TSR1: variants seen among roughly 807,000 people sequenced by gnomAD.
TSR1 encodes the protein TSR1 ribosome maturation factor, also known as pre-rRNA-processing protein TSR1 homolog.
Under a neutral mutation model 90.9 loss-of-function variants are expected in TSR1, and 81 were observed. The observed-to-expected ratio is 0.89, with a 90% confidence interval of 0.74 to 1.07. TSR1 has a LOEUF of 1.07. Among genes scored for constraint, TSR1 ranks in the 50% least tolerant of loss-of-function variants. The probability of loss-of-function intolerance (pLI) is 0.00; values close to 1 mark genes in which losing one functional copy is unlikely to be tolerated. For missense variants in TSR1, 989 were observed against 987.3 expected, an observed-to-expected ratio of 1.00 and a Z score of -0.02; for synonymous variants, 362 against 348.8, an observed-to-expected ratio of 1.04 and a Z score of -0.42.
intron 11 of TSR1, among the ~76,000 whole-genome samples, chr17:2,328,537 C>T (rs1319624394): frequency 6.6e-6 from 1 of 151,122 alleles, no homozygotes; most frequent in African/African-American, 2.4e-5. Context: ...TGCAGTGAGC[C>T]GAGATCACGC....
chr17:2,335,261 A>G lies in TSR1; in HGVS notation c.555T>C (p.Tyr185=), dbSNP rs756506566. The change falls in exon 4 of 15, where the codon TAT becomes TAC. Residue 185 remains tyrosine, a splice_region_variant and synonymous_variant. Transcript: ENST00000301364. ...CACAATAAATGCTAACTCACTTACT[A>G]TAGGTCGGAAGGCCCTGAGCAAAGA... ...SCLFAQGLPT[Y]TLAVQGISGL... The G allele has an allele frequency of 5.6e-6, 9 of 1,613,482 alleles. No individual in the cohort carries two copies. The highest frequency in any genetic ancestry group is 7.6e-6 in the Non-Finnish European group (9 of 1,179,866).
chr17:2,323,494 C>G lies in TSR1; in HGVS notation c.*702G>C, dbSNP rs113656766. On this transcript the variant is annotated 3_prime_UTR_variant, in exon 15 of 15. Coordinates refer to ENST00000301364, the MANE Select transcript of TSR1 (RefSeq NM_018128.5). ...GTACCCTAGATGTATTAATGACAAC[C>G]CTCTTGACAGAAGCAGAGTCAGAAT... is the stretch of plus-strand genomic sequence containing the variant. 3.9e-4 allele frequency: 449 copies of G among 1,146,518 alleles called. 2 individuals carry two copies. In the African/African-American group the frequency reaches 5.7e-3, roughly 15 times the overall value. The allele number at this position is 1,146,518 out of a possible 1,614,324, so 71.0% of individuals were successfully genotyped here.
At chr17:2,332,438 A>AACTTTTTTTTTTTTTTTT in intron 7 of TSR1, 79 bp from the exon 8 acceptor site, 1 of 1,216,104 alleles carries the variant, frequency 8.2e-7, no homozygotes, top group Non-Finnish European at 1.1e-6. Context: ...TAAGAGTAAA[A>AACTTTTTTTTTTTTTTTT]TAATTGTACT....
chr17:2,334,767 G>T lies in TSR1; in HGVS notation c.686C>A (p.Ala229Glu). 2 of 1,614,202 alleles carry T rather than the reference G, an allele frequency of 1.2e-6. No individual in the cohort carries two copies. ...KLLLLDTQQE[A>E]GMLLRQLANQ... is the part of the protein sequence containing the mutation. ...AGCCAACTGCCTAAGCAGCATCCCT[G>T]CCTCCTGTTGAGTGTCTAACAAGAG... The change falls in exon 5 of 15, where the codon GCA becomes GAA. Residue 229 changes from alanine to glutamate, a missense_variant. Physicochemically the swap from Ala to Glu is moderately radical, Grantham distance 107. Transcript: ENST00000301364.
chr17:2,325,803 G>A (rs771055718), intron 11 of TSR1, among the ~76,000 whole-genome samples: 87 of 152,108 alleles, frequency 5.7e-4, no homozygotes, highest in Admixed American at 1.8e-3. Context: ...AGTAGAGACC[G>A]GGTTTCACCA....
At chr17:2,329,239 C>A in intron 11 of TSR1, 104 bp downstream of exon 11, 1 of 1,535,692 alleles carries the variant, frequency 6.5e-7, no homozygotes, top group Non-Finnish European at 9.0e-7. Flanking sequence ...TACCTCTAAC[C>A]CAGAGATGTA....
rs1237925652 is a variant in TSR1, at chr17:2,334,493, C to T, written c.960G>A (p.Lys320=). The T allele has an allele frequency of 6.2e-7, 1 of 1,613,618 alleles. No individual in the cohort carries two copies. Among genetic ancestry groups the T allele is most frequent in the South Asian group, 1.1e-5 (1 of 91,080 alleles). The stretch of plus-strand genomic sequence containing the variant: ...TTACCTCCATTGCCATGTCTGGGTC[C>T]TTTTGGGGTTTAATTCCTCTAGGAT... The part of the protein sequence containing the change: ...PLNPRGIKPQ[K]DPDMAMEICA... Residue 320 remains lysine, a synonymous_variant, in exon 5 of 15, where the codon AAG becomes AAA. Coordinates refer to ENST00000301364, the MANE Select transcript of TSR1 (RefSeq NM_018128.5).
chr17:2,328,919 CAAAAAAAAAAAAAA>C (rs56003468), intron 11 of TSR1: 13 of 92,436 alleles, frequency 1.4e-4, no homozygotes, highest in African/African-American at 6.0e-4. Flanking sequence ...GACTCCGTCT[CAAAAAAAAAAAAAA>C]AAAAAAAAAA....
At position 2,323,597 on chromosome 17, in the gene TSR1, A is replaced by G; in HGVS notation, c.*599T>C. 6.4e-7 allele frequency: 1 copy of G among 1,561,280 alleles called. No homozygotes were observed. The highest frequency in any genetic ancestry group is 8.8e-7 in the Non-Finnish European group (1 of 1,134,120). ...GGACACGTATTCTCATCTGAACTTT[A>G]TAGGTAAACCAACTAGACTCCCCTT... On this transcript the variant is annotated 3_prime_UTR_variant, in exon 15 of 15. Coordinates refer to ENST00000301364, the MANE Select transcript of TSR1 (RefSeq NM_018128.5).
Position 2,323,235 on chromosome 17 carries a change from C to A in TSR1, c.*961G>T, listed in dbSNP as rs142355333. ...GGGGAAACTGATGCCCAATCTTTATCCTCCAGAAACCATAGCAGATGGTGT... is the reference window on the plus strand; with the variant it reads ...GGGGAAACTGATGCCCAATCTTTATACTCCAGAAACCATAGCAGATGGTGT... On this transcript the variant is annotated 3_prime_UTR_variant, in exon 15 of 15. Transcript: ENST00000301364. 6.2e-7 allele frequency: 1 copy of A among 1,614,224 alleles called. No homozygotes were observed.
rs770346610 is a variant in TSR1, at chr17:2,324,284, T to C, written c.2327A>G (p.Lys776Arg). ...LMNLYKRVFP[K>R]WTYDPYVPEP... ...TGGTACATATGGATCATAAGTCCAT[T>C]TGGGGAAGACTCGTTTATACAGGTT... The change falls in exon 15 of 15, where the codon AAA becomes AGA. Residue 776 changes from lysine (K) to arginine (R), a missense_variant. Physicochemically the swap from Lys to Arg is conservative, Grantham distance 26 (BLOSUM62 2). Coordinates refer to ENST00000301364, the MANE Select transcript of TSR1 (RefSeq NM_018128.5). The C allele has an allele frequency of 1.9e-6, 3 of 1,556,438 alleles. No homozygotes were observed. The highest frequency in any genetic ancestry group is 2.6e-6 in the Non-Finnish European group (3 of 1,156,664).
At position 2,324,139 on chromosome 17, in the gene TSR1, G is replaced by T; in HGVS notation, c.*57C>A. 6.6e-7 allele frequency: 1 copy of T among 1,505,740 alleles called. No individual in the cohort carries two copies. The allele number at this position is 1,505,740 out of a possible 1,614,324, so 93.3% of individuals were successfully genotyped here. A position where few individuals can be genotyped will look rare whatever the true frequency, so the allele number is the denominator to read the frequency against. ...TAAACTTTGCCCAATCACAACTTGT[G>T]CCTCCCATCCCTGGAGTACTGACTG... On this transcript the variant is annotated 3_prime_UTR_variant, in exon 15 of 15. Transcript: ENST00000301364.
At position 2,334,644 on chromosome 17, in the gene TSR1, CCCA is replaced by C. The variant is rs570684854; in HGVS notation, c.806_808del (p.Val269del). ...AACATAGCCTGAAATTTTCAAGGTG[CCCA>C]CCAAGTTATTCTCTTCACTAGGAAC... On this transcript the variant is annotated inframe_deletion, in exon 5 of 15. Transcript: ENST00000301364. 6,816 of 1,613,856 alleles carry C rather than the reference CCCA, an allele frequency of 4.2e-3. 16 individuals are homozygous for C. The highest frequency in any genetic ancestry group is 5.2e-3 in the Non-Finnish European group (6,097 of 1,180,040).
In TSR1 at chr17:2,322,822, T is replaced by C. The variant is rs7222251; in HGVS notation, c.*1374A>G. 91,998 of 340,168 alleles carry C rather than the reference T, an allele frequency of 0.27. 13,081 individuals are homozygous for C. Among genetic ancestry groups the C allele is most frequent in the Admixed American group, 0.37 (8,677 of 23,386 alleles). The allele number at this position is 340,168 out of a possible 1,614,324, so 21.1% of individuals were successfully genotyped here. On this transcript the variant is annotated 3_prime_UTR_variant, in exon 15 of 15. Transcript: ENST00000301364. ...TGAGCCACTGCGCCCCACCCCATTT[T>C]GGTGTGATCTCAGCTCACTGCAACC...
At chr17:2,330,694 C>A in intron 9 of TSR1, 69 bp from the exon 10 acceptor site, 1 of 1,488,490 alleles carries the variant, frequency 6.7e-7, no homozygotes, top group South Asian at 1.2e-5. Flanking sequence ...GAAGCTTTCT[C>A]CAAATATGTT....
chr17:2,324,649 A>G (rs191918861), intron 13 of TSR1, 40 bp downstream of exon 13: 4 of 1,614,002 alleles, frequency 2.5e-6, no homozygotes, highest in Admixed American at 1.7e-5. Context: ...CCTTTATACC[A>G]CAAAGGCAAT....
chr17:2,330,593 T>C lies in TSR1; in HGVS notation c.1692A>G (p.Glu564=), dbSNP rs777267926. The C allele has an allele frequency of 4.3e-6, 7 of 1,612,324 alleles. No homozygotes were observed. The African/African-American group carries it at 9.4e-5, about 22-fold the overall frequency. ...AGCACTCGACCACTGAGACGGGGAC[T>C]TCAGAGACATGAAGTGTGACATACC... ...VGWYVTLHVS[E]VPVSVVECFR... The change falls in exon 10 of 15, where the codon GAA becomes GAG. Residue 564 remains glutamate (E), a synonymous_variant. Transcript: ENST00000301364.
At position 2,324,075 on chromosome 17, in the gene TSR1, G is replaced by C; in HGVS notation, c.*121C>G. The C allele has an allele frequency of 7.3e-7, 1 of 1,376,754 alleles. No homozygotes were observed. 85.3% of individuals were successfully genotyped at this position (1,376,754 alleles called of 1,614,324 possible). Reference sequence around the variant, plus strand: ...TTTGTCAAGGCTAAAAAAAAGTCTTGCAAAATGGGGCAGTGGACTGACAGG... The same window carrying C: ...TTTGTCAAGGCTAAAAAAAAGTCTTCCAAAATGGGGCAGTGGACTGACAGG... On this transcript the variant is annotated 3_prime_UTR_variant, in exon 15 of 15. Coordinates refer to ENST00000301364, the MANE Select transcript of TSR1 (RefSeq NM_018128.5).
At chr17:2,331,480 T>C (rs2064002665) in intron 8 of TSR1, among the ~76,000 whole-genome samples, 1 of 151,966 alleles carries the variant, frequency 6.6e-6, no homozygotes, top group Non-Finnish European at 1.5e-5. Context: ...CCTTGTTGAG[T>C]GAGTTCTCAT....
Sources: gnomAD v4.1 joint callset for allele counts (sites outside exome capture counted in the v4.1 genomes callset) on GRCh38, gnomAD v4.1.1 for gene constraint, MANE v1.5 for transcripts, NCBI Gene and HGNC (gene_info 2026-07-23, HGNC 2026-07-21) for gene names.